RIF1: variants seen among roughly 807,000 people sequenced by gnomAD.
RIF1 encodes the protein telomere-associated protein RIF1.
In RIF1, 45 loss-of-function variants were observed where a neutral mutation model predicts 247.1. The ratio of observed to expected loss-of-function variants is 0.18; its 90% CI spans 0.14 to 0.23. RIF1 has a LOEUF of 0.23. Among genes scored for constraint, RIF1 ranks in the 10% least tolerant of loss-of-function variants. The pLI, the probability that RIF1 is intolerant of heterozygous loss-of-function variation, is 1.00. For missense variants in RIF1, 2,967 were observed against 2,862.5 expected (o/e 1.04, Z -0.83); for synonymous variants, 1,087 against 978.8 (o/e 1.11, Z -2.06).
chr2:151,472,720 C>G (rs1265988559), intron 34 of RIF1, among the ~76,000 whole-genome samples: 2 of 152,230 alleles, frequency 1.3e-5, no homozygotes, highest in Non-Finnish European at 2.9e-5. Context: ...AGGGATGAAG[C>G]TCACTTGATC....
intron 9 of RIF1, chr2:151,493,890 C>T (rs778829512): frequency 1.7e-5 from 25 of 1,435,674 alleles, no homozygotes; most frequent in East Asian, 7.2e-5. Context: ...AAGTCATGCC[C>T]GAAAGTCACT....
intron 9 of RIF1, among the ~76,000 whole-genome samples, chr2:151,487,970 A>G (rs192411508): frequency 3.3e-5 from 5 of 152,226 alleles, no homozygotes; most frequent in Admixed American, 6.5e-5. Context: ...ATTTGATTCA[A>G]TTTGATACTT....
At chr2:151,512,976 ATT>A (rs1183026158), downstream of RIF1, 5 of 651,644 alleles carry the variant, frequency 7.7e-6, no homozygotes, top group Non-Finnish European at 1.3e-5. Flanking sequence ...ATTTCTTCCT[ATT>A]TTGTTCATAG....
At chr2:151,507,962 C>A in exon 14 of RIF1, 1 of 1,425,650 alleles carries the variant, frequency 7.0e-7, no homozygotes, top group East Asian at 2.4e-5. Flanking sequence ...CTCAGCACCC[C>A]TAGGTGCCTG....
intron 18 of RIF1, 49 bp downstream of exon 18, chr2:151,443,758 T>G (rs1028217993): frequency 1.7e-6 from 2 of 1,152,812 alleles, no homozygotes; most frequent in African/African-American, 3.2e-5. Flanking sequence ...CTTTTTTTTT[T>G]GTTAGTGCAG....
intron 10 of RIF1, chr2:151,497,153 A>G: frequency 4.5e-6 from 6 of 1,337,496 alleles, no homozygotes; most frequent in Non-Finnish European, 6.1e-6. Flanking sequence ...AGGAGCCAGA[A>G]GTTATATGCT....
intron 10 of RIF1, chr2:151,497,736 A>C: frequency 6.4e-7 from 1 of 1,561,214 alleles, no homozygotes. Flanking sequence ...ATAAGAAAGC[A>C]TCCAGAAAAA....
At chr2:151,510,996 T>A (rs540390514), downstream of RIF1, among the ~76,000 whole-genome samples, 18 of 152,338 alleles carry the variant, frequency 1.2e-4, no homozygotes, top group Non-Finnish European at 1.8e-4. Flanking sequence ...CTGATCTGAA[T>A]TGGGGAGGAA....
In RIF1 at chr2:151,463,425, C is replaced by G. The variant is rs1559013613; in HGVS notation, c.3905C>G (p.Ser1302Cys). The change falls in exon 30 of 36, where the codon TCT (serine) becomes TGT (cysteine). Residue 1302 changes from serine (S) to cysteine (C), a missense_variant. Coordinates refer to ENST00000444746, the MANE Select transcript of RIF1 (RefSeq NM_018151.5). Reference sequence around the variant, plus strand: ...GCTGAACAAACAGGGAATAAAAGGTCTAAGCCCTTAATGAGATCTGAGCCG... The same window carrying G: ...GCTGAACAAACAGGGAATAAAAGGTGTAAGCCCTTAATGAGATCTGAGCCG... ...GKAEQTGNKR[S>C]KPLMRSEPEK... The G allele has an allele frequency of 2.5e-6, 4 of 1,613,806 alleles. No homozygotes were observed. Among genetic ancestry groups the G allele is most frequent in the South Asian group, 1.1e-5 (1 of 91,016 alleles).
At chr2:151,419,912 A>G (rs529984351) in intron 6 of RIF1, among the ~76,000 whole-genome samples, 1 of 152,270 alleles carries the variant, frequency 6.6e-6, no homozygotes, top group East Asian at 1.9e-4. Flanking sequence ...GGACTTGAGC[A>G]TTATTGTGAG....
chr2:151,490,369 T>TA (rs1485588983), intron 9 of RIF1: 1 of 1,587,346 alleles, frequency 6.3e-7, no homozygotes, highest in African/African-American at 1.3e-5. Flanking sequence ...CAGGCACTTG[T>TA]ACCTGTTGAG....
chr2:151,519,908 T>C, the RIF1 span: 1 of 587,118 alleles, frequency 1.7e-6, no homozygotes, highest in South Asian at 2.4e-5. Context: ...CTGGGACATT[T>C]AGAGTAAAGA....
At chr2:151,427,280 G>A (rs1353499839) in intron 8 of RIF1, among the ~76,000 whole-genome samples, 4 of 151,034 alleles carry the variant, frequency 2.6e-5, no homozygotes, top group African/African-American at 7.3e-5. Flanking sequence ...ACATGATCTC[G>A]GCTCACTGCA....
chr2:151,465,732 TTGAAA>T lies in RIF1; in HGVS notation c.6216_6220del (p.Met2073HisfsTer2). On this transcript the variant is annotated frameshift_variant, in exon 30 of 36. Coordinates refer to ENST00000444746, the MANE Select transcript of RIF1 (RefSeq NM_018151.5). LOFTEE classifies it high-confidence loss of function. ...ATGGACAACTTTGTTTGTGACACAGTTGAAATGAGCACTGAAGAAGGAATCATTGA... is the reference window on the plus strand; with the variant it reads ...ATGGACAACTTTGTTTGTGACACAGTTGAGCACTGAAGAAGGAATCATTGA... 6.2e-7 allele frequency: 1 copy of T among 1,614,118 alleles called. No individual in the cohort carries two copies. Among genetic ancestry groups the T allele is most frequent in the Non-Finnish European group, 8.5e-7 (1 of 1,179,990 alleles).
chr2:151,533,407 C>G, the RIF1 span: 12 of 1,425,010 alleles, frequency 8.4e-6, no homozygotes, highest in Non-Finnish European at 1.2e-5. Flanking sequence ...AAGACTTCTT[C>G]TAAACCTCCT....
the RIF1 span, chr2:151,526,974 C>A: frequency 6.2e-7 from 1 of 1,604,610 alleles, no homozygotes; most frequent in Non-Finnish European, 8.5e-7. Context: ...TCATCAGTGA[C>A]AGAAAGCTTG....
At chr2:151,508,023 G>T (rs760128419), downstream of RIF1, 7 of 1,608,588 alleles carry the variant, frequency 4.4e-6, no homozygotes, top group East Asian at 1.6e-4. Flanking sequence ...AGTTCTTTTG[G>T]TTCTCCCGGA....
intron 15 of RIF1, among the ~76,000 whole-genome samples, chr2:151,441,663 A>G (rs551542860): frequency 1.4e-4 from 22 of 152,308 alleles, no homozygotes; most frequent in Middle Eastern, 3.4e-3. Flanking sequence ...AACTGAAAAT[A>G]TTATCGTTGG....
At chr2:151,491,804 G>T in intron 9 of RIF1, 1 of 1,521,976 alleles carries the variant, frequency 6.6e-7, no homozygotes, top group Non-Finnish European at 8.9e-7. Context: ...ATCAGAACAA[G>T]TGTTCTTGGA....
Sources: allele counts gnomAD v4.1 joint callset (sites outside exome capture counted in the v4.1 genomes callset), GRCh38; gene constraint gnomAD v4.1.1; transcripts MANE v1.5; gene names NCBI Gene and HGNC (gene_info 2026-07-23, HGNC 2026-07-21).